EHD2: variants seen among roughly 807,000 people sequenced by gnomAD.
EHD2 encodes the protein EH domain-containing protein 2.
A neutral mutation model predicts 41.0 loss-of-function variants in EHD2; 27 were observed. That is an observed-to-expected ratio of 0.66 (90% CI 0.49 to 0.91). EHD2 has a LOEUF of 0.91. Among genes scored for constraint, EHD2 ranks in the 40% least tolerant of loss-of-function variants. The pLI, the probability that EHD2 is intolerant of heterozygous loss-of-function variation, is 0.00. For missense variants in EHD2, 673 were observed against 773.9 expected (o/e 0.87, Z 1.55); for synonymous variants, 342 against 341.0 (o/e 1.00, Z -0.03).
At chr19:47,738,846 C>G (rs922565934) in intron 5 of EHD2, among the ~76,000 whole-genome samples, 3 of 152,168 alleles carry the variant, frequency 2.0e-5, no homozygotes, top group Non-Finnish European at 4.4e-5. Flanking sequence ...AATCCATTTT[C>G]GCAGAGACTG....
intron 4 of EHD2, chr19:47,731,279 A>AAAAATATATATATAT: frequency 6.6e-5 from 4 of 60,928 alleles, no homozygotes; most frequent in African/African-American, 1.5e-4. Flanking sequence ...AAAAAAAAAA[A>AAAAATATATATATAT]ATATATATAT....
At position 47,726,060 on chromosome 19, in the gene EHD2, C is replaced by A. The variant is rs1274561993; in HGVS notation, c.751C>A (p.Arg251Ser). 1.9e-6 allele frequency: 3 copies of A among 1,584,568 alleles called. No individual in the cohort carries two copies. Among genetic ancestry groups the A allele is most frequent in the South Asian group, 2.3e-5 (2 of 88,138 alleles). Residue 251 changes from arginine to serine, a missense_variant, in exon 4 of 6, where the codon CGC (arginine) becomes AGC (serine). Coordinates refer to ENST00000263277, the MANE Select transcript of EHD2 (RefSeq NM_014601.4). ...GGTGGTGGGCACGCCCGAGGTGCTG[C>A]GCGTCTACATCGGCTCCTTCTGGTC... ...GKVVGTPEVL[R>S]VYIGSFWSQP... is the part of the protein sequence containing the mutation.
In EHD2 at chr19:47,741,037, G is replaced by A. The variant is rs147978902; in HGVS notation, c.1237G>A (p.Ala413Thr). The change falls in exon 6 of 6, where the codon GCT becomes ACT. Residue 413 changes from alanine (A) to threonine (T), a missense_variant. Physicochemically the swap from Ala to Thr is moderately conservative, Grantham distance 58. Transcript: ENST00000263277. This position sits in a 1 kb window ranked among gnomAD's most constrained non-coding sequence, Gnocchi z 4.5. ...CACCGAGGTGGGCGTGCAGGGGGGCGCTTTTGAGGGCACCCACATGGGCCC... is the reference window on the plus strand; with the variant it reads ...CACCGAGGTGGGCGTGCAGGGGGGCACTTTTGAGGGCACCCACATGGGCCC... ...ESTEVGVQGG[A>T]FEGTHMGPFV... 2.9e-5 allele frequency: 47 copies of A among 1,609,468 alleles called. No individual in the cohort carries two copies. The highest frequency in any genetic ancestry group is 3.6e-5 in the Non-Finnish European group (43 of 1,179,590).
At chr19:47,728,192 C>T (rs1043718698) in intron 4 of EHD2, among the ~76,000 whole-genome samples, 3 of 151,914 alleles carry the variant, frequency 2.0e-5, no homozygotes, top group Admixed American at 6.6e-5. Flanking sequence ...CACAGATTGT[C>T]CCCTTCTCTC....
rs1966923729 is a variant in EHD2, at chr19:47,736,429, A to C, written c.976A>C (p.Asn326His). The change falls in exon 5 of 6, where the codon AAC becomes CAC. Residue 326 changes from asparagine to histidine, a missense_variant. Coordinates refer to ENST00000263277, the MANE Select transcript of EHD2 (RefSeq NM_014601.4). ...KEMPSVFGKE[N>H]KKKQLILKLP... ...GATGCCCTCTGTGTTTGGGAAGGAG[A>C]ACAAGAAGAAGCAGCTGATCCTCAA... 2 of 1,613,164 alleles carry C rather than the reference A, an allele frequency of 1.2e-6. No homozygotes were observed. The highest frequency in any genetic ancestry group is 2.2e-5 in the South Asian group (2 of 90,842).
intron 4 of EHD2, 111 bp downstream of exon 4, chr19:47,726,335 T>C: frequency 1.5e-6 from 2 of 1,310,018 alleles, no homozygotes; most frequent in Non-Finnish European, 2.0e-6. Context: ...TTAGTTCTCT[T>C]GAAGTTGGGT....
chr19:47,741,239 A>G lies in EHD2; in HGVS notation c.1439A>G (p.Lys480Arg). ...SKAKTWMVGT[K>R]LPNSVLGRIW... ...GCCAAGACCTGGATGGTGGGGACCA[A>G]GCTCCCCAACTCAGTGCTGGGGCGC... Residue 480 changes from lysine (K) to arginine (R), a missense_variant, in exon 6 of 6, where the codon AAG becomes AGG. Lys to Arg is a conservative substitution (Grantham distance 26). Transcript: ENST00000263277. This position sits in a 1 kb window ranked among gnomAD's most constrained non-coding sequence, Gnocchi z 4.5. 1 of 1,614,170 alleles carries G rather than the reference A, an allele frequency of 6.2e-7. No homozygotes were observed.
rs748297307 is a variant in EHD2, at chr19:47,716,658, G to A, written c.46G>A (p.Glu16Lys). Residue 16 changes from glutamate (E) to lysine (K), a missense_variant, in exon 2 of 6, where the codon GAG (glutamate) becomes AAG (lysine). By Grantham distance (56) the Glu-to-Lys change is moderately conservative. Transcript: ENST00000263277. ...GGGCGGGGCACGGGGCCAGCAGCCC[G>A]AGGCCATCCGCACGGTGACCTCGGC... ...KRGGARGQQP[E>K]AIRTVTSALK... 3.1e-6 allele frequency: 5 copies of A among 1,588,000 alleles called. No individual in the cohort carries two copies. Among genetic ancestry groups the A allele is most frequent in the Non-Finnish European group, 3.4e-6 (4 of 1,167,072 alleles).
At chr19:47,735,338 CTTAG>C (rs1042166838) in intron 4 of EHD2, among the ~76,000 whole-genome samples, 13 of 152,266 alleles carry the variant, frequency 8.5e-5, no homozygotes, top group African/African-American at 2.2e-4. Context: ...ACTCAGCTCA[CTTAG>C]TTAGCAGAGA....
chr19:47,724,723 G>C (rs915665790), intron 3 of EHD2, among the ~76,000 whole-genome samples: 7 of 152,100 alleles, frequency 4.6e-5, no homozygotes, highest in Admixed American at 1.3e-4. Context: ...GACAGGGCTT[G>C]GCACACATGA....
rs11673211 is a variant in EHD2, at chr19:47,719,179, G to A, written c.502+573G>A. ...AGCCGCACGTCTGGGCAGGCAGGAA[G>A]GATGGGAAGGGAGAGATGAAGAGGG... On this transcript the variant is annotated intron_variant, in intron 3 of 5. Coordinates refer to ENST00000263277, the MANE Select transcript of EHD2 (RefSeq NM_014601.4). The surrounding 1 kb of genome is among the most constrained non-coding windows in gnomAD (Gnocchi z 4.1). 0.019 allele frequency among the ~76,000 whole-genome samples: 2,849 copies of A among 152,286 alleles called. 40 individuals carry two copies. Among genetic ancestry groups the A allele is most frequent in the Non-Finnish European group, 0.03 (2,041 of 68,002 alleles).
In EHD2 at chr19:47,741,410, G is replaced by T; in HGVS notation, c.1610G>T (p.Arg537Leu). Residue 537 changes from arginine (R) to leucine (L), a missense_variant, in exon 6 of 6, where the codon CGC becomes CTC. Transcript: ENST00000263277. This position sits in a 1 kb window ranked among gnomAD's most constrained non-coding sequence, Gnocchi z 4.5. ...PRRLVPPSKR[R>L]HKGSAE ...CGCCTGGTGCCACCCTCCAAGCGAC[G>T]CCACAAGGGCTCCGCCGAGTGAGCC... is the stretch of plus-strand genomic sequence containing the variant. The T allele has an allele frequency of 6.3e-7, 1 of 1,586,030 alleles. No individual in the cohort carries two copies. The highest frequency in any genetic ancestry group is 1.7e-5 in the Admixed American group (1 of 57,838).
At position 47,740,928 on chromosome 19, in the gene EHD2, G is replaced by A. The variant is rs781623704; in HGVS notation, c.1128G>A (p.Pro376=). 1.2e-5 allele frequency: 20 copies of A among 1,613,226 alleles called. 1 individual carries two copies. The highest frequency in any genetic ancestry group is 1.0e-4 in the Admixed American group (6 of 59,926). The change falls in exon 6 of 6, where the codon CCG becomes CCA. Residue 376 remains proline, a synonymous_variant. Coordinates refer to ENST00000263277, the MANE Select transcript of EHD2 (RefSeq NM_014601.4). ...TCACCAAGTTTCACTCGCTGAAGCC[G>A]AAGCTGCTAGAGGCACTGGACGAGA... ...HDFTKFHSLK[P]KLLEALDEML...
At chr19:47,717,602 A>G (rs1008583657) in intron 2 of EHD2, among the ~76,000 whole-genome samples, 1 of 152,108 alleles carries the variant, frequency 6.6e-6, no homozygotes, top group Admixed American at 6.6e-5. Flanking sequence ...CCTCATCTGC[A>G]AAAATGTGGA....
rs1248037284 is a variant in EHD2 at position 47,741,481 on chromosome 19, C to T, written c.*49C>T. 3 of 1,521,138 alleles carry T rather than the reference C, an allele frequency of 2.0e-6. No homozygotes were observed. Among genetic ancestry groups the T allele is most frequent in the Non-Finnish European group, 2.6e-6 (3 of 1,136,914 alleles). 94.2% of individuals were successfully genotyped at this position (1,521,138 alleles called of 1,614,324 possible). ...GCTGTGGCTCCCCAGCTCCAGTCGG[C>T]TGCACGCACACCCCTGCTCCGGCTC... On this transcript the variant is annotated 3_prime_UTR_variant, in exon 6 of 6. Transcript: ENST00000263277. This position sits in a 1 kb window ranked among gnomAD's most constrained non-coding sequence, Gnocchi z 4.5.
rs763712287 is a variant in EHD2 at position 47,726,239 on chromosome 19, G to C, written c.915+15G>C. 1 of 1,471,600 alleles carries C rather than the reference G, an allele frequency of 6.8e-7. No homozygotes were observed. The highest frequency in any genetic ancestry group is 9.0e-7 in the Non-Finnish European group (1 of 1,108,968). The allele number at this position is 1,471,600 out of a possible 1,614,324, so 91.2% of individuals were successfully genotyped here. A position where few individuals can be genotyped will look rare whatever the true frequency, so the allele number is the denominator to read the frequency against. On this transcript the variant is annotated intron_variant, in intron 4 of 5. Coordinates refer to ENST00000263277, the MANE Select transcript of EHD2 (RefSeq NM_014601.4). ...GGCTGGTGCGAGTGAGTAGTCCTGA[G>C]GGCTGGGCGCGCATTCTTGGAGGAG...
At chr19:47,727,255 C>T (rs1038575316) in intron 4 of EHD2, among the ~76,000 whole-genome samples, 3 of 152,042 alleles carry the variant, frequency 2.0e-5, no homozygotes, top group African/African-American at 7.2e-5. Context: ...CAGGCATTCA[C>T]CACCATGCCC....
At position 47,719,214 on chromosome 19, in the gene EHD2, C is replaced by T. The variant is rs1250276692; in HGVS notation, c.502+608C>T. Reference sequence around the variant, plus strand: ...GGAGAGATGAAGAGGGACAGGGATTCCGAGGCAGTGAGACAGCGACGCAGG... The same window carrying T: ...GGAGAGATGAAGAGGGACAGGGATTTCGAGGCAGTGAGACAGCGACGCAGG... On this transcript the variant is annotated intron_variant, in intron 3 of 5. Coordinates refer to ENST00000263277, the MANE Select transcript of EHD2 (RefSeq NM_014601.4). This position sits in a 1 kb window ranked among gnomAD's most constrained non-coding sequence, Gnocchi z 4.1. 6.6e-6 allele frequency among the ~76,000 whole-genome samples: 1 copy of T among 152,016 alleles called. No individual in the cohort carries two copies. The highest frequency in any genetic ancestry group is 1.5e-5 in the Non-Finnish European group (1 of 67,990).
At chr19:47,736,242 T>C (rs1199045061) in intron 4 of EHD2, 127 bp from the exon 5 acceptor site, 11 of 786,098 alleles carry the variant, frequency 1.4e-5, no homozygotes, top group Non-Finnish European at 2.1e-5. Flanking sequence ...ATAAAAGAAA[T>C]ACAAATTCTC....
Sources: allele counts gnomAD v4.1 joint callset (sites outside exome capture counted in the v4.1 genomes callset), GRCh38; gene constraint gnomAD v4.1.1; non-coding constraint Gnocchi (gnomAD v3.1); transcripts MANE v1.5; gene names NCBI Gene and HGNC (gene_info 2026-07-23, HGNC 2026-07-21).